CSNK1G1: variants seen among roughly 807,000 people sequenced by gnomAD.
The protein encoded by CSNK1G1 is casein kinase I isoform gamma-1.
CSNK1G1 carries 22 observed loss-of-function variants against 59.6 expected under a neutral mutation model. The ratio of observed to expected loss-of-function variants is 0.37; its 90% confidence interval spans 0.26 to 0.53. CSNK1G1 has a LOEUF of 0.53. CSNK1G1 is among the 20% of genes least tolerant of loss of function. The probability of loss-of-function intolerance (pLI) is 0.89; values close to 1 mark genes in which losing one functional copy is unlikely to be tolerated. For synonymous variants in CSNK1G1, 179 were observed against 177.1 expected (o/e 1.01, Z -0.08); for missense variants, 384 against 519.5 (o/e 0.74, Z 2.54).
At chr15:64,181,753 G>C in intron 10 of CSNK1G1, 1 of 216,536 alleles carries the variant, frequency 4.6e-6, no homozygotes, top group Non-Finnish European at 9.2e-6. Flanking sequence ...GGTGTTTACT[G>C]TGCAGACAAC....
intron 1 of CSNK1G1, among the ~76,000 whole-genome samples, chr15:64,346,276 T>C (rs376881000): frequency 6.6e-6 from 1 of 150,466 alleles, no homozygotes; most frequent in South Asian, 2.1e-4. Context: ...CCCATGTGCA[T>C]GCATATACAC....
chr15:64,238,512 A>T (rs1197902660), intron 4 of CSNK1G1, among the ~76,000 whole-genome samples: 27 of 114,046 alleles, frequency 2.4e-4, no homozygotes, highest in African/African-American at 1.0e-3. Context: ...AAAAAAAAAA[A>T]AAAAAAATAT....
chr15:64,326,515 G>T (rs896758943), intron 1 of CSNK1G1, among the ~76,000 whole-genome samples: 13 of 151,966 alleles, frequency 8.6e-5, no homozygotes, highest in African/African-American at 3.1e-4. Flanking sequence ...ATGGTGGCAG[G>T]CACCTTTAAT....
Position 64,300,491 on chromosome 15 carries a change from A to G in CSNK1G1, c.9T>C (p.His3=). The change falls in exon 2 of 12, where the codon CAT becomes CAC. Residue 3 remains histidine, a synonymous_variant. Coordinates refer to ENST00000303052, the MANE Select transcript of CSNK1G1 (RefSeq NM_022048.5). ...GTCTTTCATCCTTTTCCCTACTAGG[A>G]TGGTCCATGATCCTACAGGACAGAG... MD[H]PSREKDERQR... 2 of 1,614,096 alleles carry G rather than the reference A, an allele frequency of 1.2e-6. No homozygotes were observed. Among genetic ancestry groups the G allele is most frequent in the Non-Finnish European group, 1.7e-6 (2 of 1,179,978 alleles).
chr15:64,347,333 A>G (rs1278541444), intron 1 of CSNK1G1, among the ~76,000 whole-genome samples: 1 of 152,234 alleles, frequency 6.6e-6, no homozygotes, highest in Non-Finnish European at 1.5e-5. Flanking sequence ...AATGATAGAA[A>G]AACCTACACA....
chr15:64,177,845 AT>A (rs1196209192), intron 11 of CSNK1G1, among the ~76,000 whole-genome samples: 1 of 152,240 alleles, frequency 6.6e-6, no homozygotes, highest in Non-Finnish European at 1.5e-5. Context: ...AGCCCATTTG[AT>A]TACTGCATTC....
intron 10 of CSNK1G1, among the ~76,000 whole-genome samples, chr15:64,193,151 C>CT (rs893859596): frequency 4.0e-5 from 6 of 151,724 alleles, no homozygotes; most frequent in Non-Finnish European, 7.4e-5. Context: ...ATTAAAATTT[C>CT]TTTTTTTTCT....
chr15:64,248,144 T>G (rs1162383960), intron 4 of CSNK1G1, among the ~76,000 whole-genome samples: 1 of 152,206 alleles, frequency 6.6e-6, no homozygotes, highest in Non-Finnish European at 1.5e-5. Flanking sequence ...GAGTGGCATA[T>G]GCGCACTGGC....
chr15:64,345,436 C>T (rs1461568812), intron 1 of CSNK1G1, among the ~76,000 whole-genome samples: 1 of 152,120 alleles, frequency 6.6e-6, no homozygotes, highest in Non-Finnish European at 1.5e-5. Context: ...TAGTTGAAAC[C>T]CTTCGCAACA....
intron 1 of CSNK1G1, among the ~76,000 whole-genome samples, chr15:64,343,248 T>C (rs902440147): frequency 5.9e-4 from 7 of 11,778 alleles, no homozygotes; most frequent in Non-Finnish European, 1.6e-3. Context: ...TCTTCTAAAA[T>C]AGACCCCATT....
intron 5 of CSNK1G1, among the ~76,000 whole-genome samples, chr15:64,215,050 C>T (rs1326406304): frequency 6.6e-6 from 1 of 152,030 alleles, no homozygotes; most frequent in Admixed American, 6.6e-5. Context: ...ACCCTCCCAC[C>T]TCAGCCTCAC....
At chr15:64,232,997 T>C (rs1250112344) in intron 4 of CSNK1G1, among the ~76,000 whole-genome samples, 2 of 152,186 alleles carry the variant, frequency 1.3e-5, no homozygotes, top group African/African-American at 4.8e-5. Context: ...AGCACTATAT[T>C]GATTTCCTAT....
At chr15:64,297,440 G>A (rs748681217) in intron 2 of CSNK1G1, among the ~76,000 whole-genome samples, 4 of 152,014 alleles carry the variant, frequency 2.6e-5, no homozygotes, top group Non-Finnish European at 4.4e-5. Context: ...CAGGTGTGGC[G>A]GCTCACATCT....
At chr15:64,283,140 TACCCCAATAACCTATGGA>T (rs966217804) in intron 2 of CSNK1G1, among the ~76,000 whole-genome samples, 3 of 152,066 alleles carry the variant, frequency 2.0e-5, no homozygotes, top group Admixed American at 1.3e-4. Flanking sequence ...ACACCATCTG[TACCCCAATAACCTATGGA>T]AAAACAAACA....
chr15:64,355,642 G>A (rs891271718), intron 1 of CSNK1G1, among the ~76,000 whole-genome samples: 16 of 151,870 alleles, frequency 1.1e-4, no homozygotes, highest in African/African-American at 2.9e-4. Flanking sequence ...TCACCCTGAC[G>A]AGATCTGTGC....
intron 10 of CSNK1G1, among the ~76,000 whole-genome samples, chr15:64,193,128 T>A (rs2081993695): frequency 6.6e-6 from 1 of 152,258 alleles, no homozygotes; most frequent in East Asian, 1.9e-4. Flanking sequence ...TCTGGTTTTA[T>A]CACACTTCCA....
intron 2 of CSNK1G1, among the ~76,000 whole-genome samples, chr15:64,290,316 T>C (rs1185344358): frequency 2.6e-5 from 4 of 151,442 alleles, no homozygotes; most frequent in African/African-American, 4.9e-5. Context: ...TATATATATA[T>C]ATACACATAC....
intron 2 of CSNK1G1, among the ~76,000 whole-genome samples, chr15:64,299,341 C>T (rs533398466): frequency 1.4e-4 from 22 of 152,252 alleles, no homozygotes; most frequent in African/African-American, 5.3e-4. Context: ...GTAATCCCAG[C>T]ACTTTGGGAG....
chr15:64,300,563 A>G lies in CSNK1G1; in HGVS notation c.-64T>C, dbSNP rs1200251448. On this transcript the variant is annotated 5_prime_UTR_variant, in exon 2 of 12. Coordinates refer to ENST00000303052, the MANE Select transcript of CSNK1G1 (RefSeq NM_022048.5). ...GCTTCAGTATGTATACCTCTCTTCA[A>G]TACAAAAGTATGTCCAAATAAATTG... 1.1e-5 allele frequency: 16 copies of G among 1,497,242 alleles called. No individual in the cohort carries two copies. Among genetic ancestry groups the G allele is most frequent in the Middle Eastern group, 1.9e-4 (1 of 5,130 alleles). The allele number at this position is 1,497,242 out of a possible 1,614,324, so 92.7% of individuals were successfully genotyped here.
Sources: gnomAD v4.1 joint callset for allele counts (sites outside exome capture counted in the v4.1 genomes callset) on GRCh38, gnomAD v4.1.1 for gene constraint, MANE v1.5 for transcripts, NCBI Gene and HGNC (gene_info 2026-07-23, HGNC 2026-07-21) for gene names.